The following XKR9 variants were observed in gnomAD, a reference collection of about 807,000 sequenced individuals.
The protein encoded by XKR9 is XK-related protein 9.
Under a neutral mutation model 32.0 loss-of-function variants are expected in XKR9, and 32 were observed. That is an observed-to-expected ratio of 1.00 (90% CI 0.76 to 1.34). The LOEUF (loss-of-function observed/expected upper bound fraction) is 1.34. XKR9 is among the 40% of genes most tolerant of loss of function. The pLI is 0.00. For synonymous variants in XKR9, 168 were observed against 143.4 expected, an observed-to-expected ratio of 1.17 and a Z score of -1.22; for missense variants, 546 against 429.7, an observed-to-expected ratio of 1.27 and a Z score of -2.39.
chr8:70,762,091 G>T (rs1807316727), intron 2 of XKR9, among the ~76,000 whole-genome samples: 1 of 152,040 alleles, frequency 6.6e-6, no homozygotes, highest in Non-Finnish European at 1.5e-5. Context: ...TGCTGTTTTG[G>T]TTACTGTAGC....
the XKR9 span, among the ~76,000 whole-genome samples, chr8:71,051,098 C>T: frequency 6.6e-6 from 1 of 151,718 alleles, no homozygotes; most frequent in African/African-American, 2.4e-5. Context: ...AGAAATGACC[C>T]CAAGGCAAAG....
intron 2 of XKR9, among the ~76,000 whole-genome samples, chr8:70,741,888 G>T (rs1004778456): frequency 2.0e-5 from 3 of 151,770 alleles, no homozygotes; most frequent in African/African-American, 7.3e-5. Flanking sequence ...CATAATGGCT[G>T]CACTATTTTA....
rs556396774 is a variant in XKR9 at position 70,680,795 on chromosome 8, A to G, written c.-264A>G. Reference sequence around the variant, plus strand: ...TTTTATTTTAGGTCTTGTCATCTGTAATGAAGATCATTGTGAAACAGAAGA... The same window carrying G: ...TTTTATTTTAGGTCTTGTCATCTGTGATGAAGATCATTGTGAAACAGAAGA... On this transcript the variant is annotated 5_prime_UTR_variant, in exon 3 of 5. It removes the in-frame stop codon of an upstream open reading frame in the 5' UTR. Transcript: ENST00000408926. 2.3e-5 allele frequency: 6 copies of G among 259,428 alleles called. No individual in the cohort carries two copies. The highest frequency in any genetic ancestry group is 4.4e-5 in the Non-Finnish European group (6 of 136,200). 16.1% of individuals were successfully genotyped at this position (259,428 alleles called of 1,614,324 possible). A position where few individuals can be genotyped will look rare whatever the true frequency, so the allele number is the denominator to read the frequency against.
chr8:70,893,228 A>T, the XKR9 span, among the ~76,000 whole-genome samples: 1 of 152,108 alleles, frequency 6.6e-6, no homozygotes, highest in Non-Finnish European at 1.5e-5. Flanking sequence ...ATTTTCATTC[A>T]TATTGTGAAT....
downstream of XKR9, among the ~76,000 whole-genome samples, chr8:70,737,037 G>T (rs548530787): frequency 6.6e-6 from 1 of 152,228 alleles, no homozygotes; most frequent in South Asian, 2.1e-4. Flanking sequence ...GGATGACATT[G>T]AATCTATAAA....
chr8:70,964,705 CT>C, the XKR9 span, among the ~76,000 whole-genome samples: 1 of 152,004 alleles, frequency 6.6e-6, no homozygotes, highest in Non-Finnish European at 1.5e-5. Context: ...ATTTTATTCT[CT>C]TTGTAGCCTG....
At chr8:70,905,000 T>C in the XKR9 span, among the ~76,000 whole-genome samples, 1 of 152,260 alleles carries the variant, frequency 6.6e-6, no homozygotes. Context: ...GCTGTTAGTC[T>C]GATGGGCTTG....
At chr8:70,844,412 T>C in the XKR9 span, among the ~76,000 whole-genome samples, 2 of 152,164 alleles carry the variant, frequency 1.3e-5, no homozygotes, top group South Asian at 2.1e-4. Context: ...TGCCTGTGTG[T>C]GGCTGCAGTC....
chr8:70,921,747 T>C, the XKR9 span, among the ~76,000 whole-genome samples: 1 of 152,208 alleles, frequency 6.6e-6, no homozygotes, highest in African/African-American at 2.4e-5. Flanking sequence ...TCAGAAGAGA[T>C]GTGCCAAGTC....
At chr8:70,854,009 G>A in the XKR9 span, among the ~76,000 whole-genome samples, 1 of 151,700 alleles carries the variant, frequency 6.6e-6, no homozygotes, top group Admixed American at 6.6e-5. Context: ...TATCTTTATA[G>A]CAGCATGATT....
intron 2 of XKR9, among the ~76,000 whole-genome samples, chr8:70,679,109 C>A (rs1818979993): frequency 6.6e-6 from 1 of 152,114 alleles, no homozygotes; most frequent in Non-Finnish European, 1.5e-5. Context: ...CTCACATGGC[C>A]TTTTCTCTGG....
intron 4 of XKR9, among the ~76,000 whole-genome samples, chr8:70,732,681 A>G (rs1396328100): frequency 6.6e-6 from 1 of 152,242 alleles, no homozygotes; most frequent in East Asian, 1.9e-4. Context: ...TACTGAAATC[A>G]GTCTCCAGTA....
the XKR9 span, among the ~76,000 whole-genome samples, chr8:70,881,219 C>A: frequency 6.6e-6 from 1 of 152,160 alleles, no homozygotes; most frequent in East Asian, 1.9e-4. Context: ...GCAAGGACTT[C>A]ATGACTAAAA....
At chr8:70,770,031 G>T (rs896529494) in intron 2 of XKR9, among the ~76,000 whole-genome samples, 3 of 152,028 alleles carry the variant, frequency 2.0e-5, no homozygotes, top group Non-Finnish European at 4.4e-5. Flanking sequence ...TCTGGTTTTT[G>T]GAATTTTCAG....
At chr8:71,011,282 G>T in the XKR9 span, among the ~76,000 whole-genome samples, 2 of 152,156 alleles carry the variant, frequency 1.3e-5, no homozygotes, top group African/African-American at 4.8e-5. Flanking sequence ...AAACATGGGA[G>T]CCTGACAATG....
chr8:70,853,862 C>A, the XKR9 span, among the ~76,000 whole-genome samples: 372 of 152,156 alleles, frequency 2.4e-3, 11 homozygotes, highest in East Asian at 0.058. Flanking sequence ...TGAACTAATC[C>A]TTTTTTATGG....
At chr8:70,733,741 TC>T (rs1428634244) in intron 4 of XKR9, 54 bp from the exon 5 acceptor site, 7 of 1,400,078 alleles carry the variant, frequency 5.0e-6, no homozygotes, top group Non-Finnish European at 6.6e-6. Flanking sequence ...GATATAGTAA[TC>T]TAATATTTCT....
the XKR9 span, among the ~76,000 whole-genome samples, chr8:70,933,970 C>A: frequency 6.6e-6 from 1 of 151,360 alleles, no homozygotes; most frequent in Admixed American, 6.6e-5. Flanking sequence ...GATGAGAAAC[C>A]AAATCTCAGA....
At chr8:70,888,103 A>G in the XKR9 span, among the ~76,000 whole-genome samples, 1 of 151,976 alleles carries the variant, frequency 6.6e-6, no homozygotes, top group African/African-American at 2.4e-5. Context: ...CTTTTTTAAT[A>G]TACAATAATT....
Sources: allele counts gnomAD v4.1 joint callset (sites outside exome capture counted in the v4.1 genomes callset), GRCh38; gene constraint gnomAD v4.1.1; transcripts MANE v1.5; gene names NCBI Gene and HGNC (gene_info 2026-07-23, HGNC 2026-07-21).